Variants in DCAF12 observed in about 807,000 individuals in gnomAD.
The protein encoded by DCAF12 is DDB1- and CUL4-associated factor 12.
In DCAF12, 28 loss-of-function variants were observed where a neutral mutation model predicts 52.8. That is an observed-to-expected ratio of 0.53 (90% confidence interval 0.39 to 0.73). DCAF12 has a LOEUF of 0.73. DCAF12 is among the 30% of genes least tolerant of loss of function. The pLI is 0.00. For synonymous variants in DCAF12, 196 were observed against 215.5 expected (o/e 0.91, Z 0.79); for missense variants, 425 against 552.2 (o/e 0.77, Z 2.31).
In DCAF12 at chr9:34,124,374, C is replaced by T. The variant is rs574088836; in HGVS notation, c.333+649G>A. On this transcript the variant is annotated intron_variant, in intron 2 of 8. Transcript: ENST00000361264. ...GTTTCTGCTCTTTGACTTATTTTATCCTGGCCTATAATTGGGTTGGTTACA... is the reference window on the plus strand; with the variant it reads ...GTTTCTGCTCTTTGACTTATTTTATTCTGGCCTATAATTGGGTTGGTTACA... Among the ~76,000 whole-genome samples the T allele has an allele frequency of 1.1e-4, 16 of 152,250 alleles. No individual in the cohort carries two copies. The South Asian group carries it at 3.3e-3, about 32-fold the overall frequency.
chr9:34,109,753 G>A, intron 2 of DCAF12: 1 of 294,508 alleles, frequency 3.4e-6, no homozygotes, highest in South Asian at 3.8e-5. Flanking sequence ...GGAAGCTCAG[G>A]CAGGTGGTGA....
At chr9:34,111,777 A>T (rs970825941) in intron 2 of DCAF12, among the ~76,000 whole-genome samples, 5 of 152,200 alleles carry the variant, frequency 3.3e-5, no homozygotes, top group Non-Finnish European at 7.3e-5. Flanking sequence ...TGGTGGCACT[A>T]GACCAAACCG....
intron 1 of DCAF12, chr9:34,125,513 G>A: frequency 1.6e-6 from 1 of 612,138 alleles, no homozygotes; most frequent in African/African-American, 1.8e-5. Context: ...AAAGTCAAGG[G>A]AATGAATGCA....
At chr9:34,103,873 T>C (rs929216704) in intron 4 of DCAF12, among the ~76,000 whole-genome samples, 22 of 151,560 alleles carry the variant, frequency 1.5e-4, no homozygotes, top group Non-Finnish European at 3.1e-4. Context: ...ACAACGAAAA[T>C]GTGTTTTAAA....
In DCAF12 at chr9:34,098,330, C is replaced by G; in HGVS notation, c.789G>C (p.Lys263Asn). ...CKVRALAFNN[K>N]NKELGAVSLD... ...TCCCTACACAAGTTCATACCTTGTT[C>G]TTGTTGTTGAAGGCCAGAGCCCGAA... The change falls in exon 5 of 9, where the codon AAG becomes AAC. Residue 263 changes from lysine (K) to asparagine (N), a missense_variant. Transcript: ENST00000361264. 6.2e-7 allele frequency: 1 copy of G among 1,613,812 alleles called. No individual in the cohort carries two copies. The highest frequency in any genetic ancestry group is 8.5e-7 in the Non-Finnish European group (1 of 1,179,870).
chr9:34,108,119 C>T (rs2131435374), intron 2 of DCAF12, among the ~76,000 whole-genome samples: 1 of 152,312 alleles, frequency 6.6e-6, no homozygotes, highest in Middle Eastern at 3.4e-3. Context: ...CCTGCCTTTG[C>T]TCTTGCTGCT....
intron 2 of DCAF12, among the ~76,000 whole-genome samples, chr9:34,120,589 T>C (rs1487886589): frequency 1.3e-5 from 2 of 149,676 alleles, no homozygotes; most frequent in African/African-American, 4.9e-5. Flanking sequence ...AAGAATCGCT[T>C]GAACCCGGAG....
Position 34,125,144 on chromosome 9 carries a change from G to A in DCAF12, c.212C>T (p.Ala71Val). 6.2e-7 allele frequency: 1 copy of A among 1,614,126 alleles called. No homozygotes were observed. The change falls in exon 2 of 9, where the codon GCA becomes GTA. Residue 71 changes from alanine (A) to valine (V), a missense_variant. Around this residue, in one of 3 missense-constraint regions of DCAF12, gnomAD observed 328 missense variants for 444.4 expected, o/e 0.74. Coordinates refer to ENST00000361264, the MANE Select transcript of DCAF12 (RefSeq NM_015397.4). ...TSYSRVLHGY[A>V]AQQLPSLLKE... ...CAGGAGACTGGGAAGTTGCTGTGCT[G>A]CATAACCATGCAACACTCGAGAGTA... is the stretch of plus-strand genomic sequence containing the variant.
At chr9:34,108,804 AAT>A (rs1828947729) in intron 2 of DCAF12, among the ~76,000 whole-genome samples, 1 of 117,986 alleles carries the variant, frequency 8.5e-6, no homozygotes, top group Non-Finnish European at 1.9e-5. Context: ...AAAAAAAATA[AAT>A]AAATAAATAT....
chr9:34,092,972 A>C (rs370075311), intron 7 of DCAF12, among the ~76,000 whole-genome samples: 1,586 of 152,190 alleles, frequency 0.01, 12 homozygotes, highest in Non-Finnish European at 0.016. Flanking sequence ...CAGCCTCCTG[A>C]GCAGCTGGGA....
Position 34,088,171 on chromosome 9 carries a change from A to C in DCAF12, c.*179T>G. The C allele has an allele frequency of 1.8e-6, 1 of 541,146 alleles. No individual in the cohort carries two copies. 33.5% of individuals were successfully genotyped at this position (541,146 alleles called of 1,614,324 possible). A position where few individuals can be genotyped will look rare whatever the true frequency, so the allele number is the denominator to read the frequency against. On this transcript the variant is annotated 3_prime_UTR_variant, in exon 9 of 9. Coordinates refer to ENST00000361264, the MANE Select transcript of DCAF12 (RefSeq NM_015397.4). Reference sequence around the variant, plus strand: ...ATTACCAAAGGGGAAAACAAAAAGCAAAACAACTTTCAGATTTCTGTACAG... The same window carrying C: ...ATTACCAAAGGGGAAAACAAAAAGCCAAACAACTTTCAGATTTCTGTACAG...
chr9:34,102,041 G>A (rs533390287), intron 4 of DCAF12, among the ~76,000 whole-genome samples: 4 of 150,432 alleles, frequency 2.7e-5, no homozygotes, highest in East Asian at 2.0e-4. Context: ...TAATAATGAC[G>A]ACTATTCTAG....
intron 4 of DCAF12, among the ~76,000 whole-genome samples, chr9:34,098,777 A>T (rs72731203): frequency 0.13 from 20,036 of 151,306 alleles, 1,571 homozygotes; most frequent in South Asian, 0.32. Context: ...TATTATTATT[A>T]TTTTTTTTTG....
chr9:34,094,880 C>T (rs1272363491), intron 6 of DCAF12, among the ~76,000 whole-genome samples: 1 of 152,014 alleles, frequency 6.6e-6, no homozygotes, highest in African/African-American at 2.4e-5. Context: ...GGGGATGGCA[C>T]CCAAGTCTAA....
intron 2 of DCAF12, among the ~76,000 whole-genome samples, chr9:34,108,737 G>A (rs1281777756): frequency 6.6e-6 from 1 of 150,562 alleles, no homozygotes; most frequent in Non-Finnish European, 1.5e-5. Flanking sequence ...AGTGAGCCGG[G>A]ATCGAGCCAC....
chr9:34,103,611 C>T (rs760492457), intron 4 of DCAF12, among the ~76,000 whole-genome samples: 3 of 151,844 alleles, frequency 2.0e-5, no homozygotes, highest in East Asian at 1.9e-4. Flanking sequence ...CCCAGCACTT[C>T]GAGAGGCTCA....
chr9:34,096,537 G>A (rs1166641324), intron 6 of DCAF12, among the ~76,000 whole-genome samples, 179 bp downstream of exon 6: 1 of 152,156 alleles, frequency 6.6e-6, no homozygotes, highest in Non-Finnish European at 1.5e-5. Flanking sequence ...CCAGGAGGCA[G>A]AGGTTGCAGT....
chr9:34,093,781 T>G (rs1828688384), intron 6 of DCAF12: 1 of 273,434 alleles, frequency 3.7e-6, no homozygotes, highest in South Asian at 4.3e-5. Context: ...TCCAGGGCAC[T>G]AAAGCCATAG....
At chr9:34,120,060 G>A (rs575217799) in intron 2 of DCAF12, among the ~76,000 whole-genome samples, 51 of 151,584 alleles carry the variant, frequency 3.4e-4, no homozygotes, top group East Asian at 1.9e-4. Context: ...AAAATTAGCC[G>A]GGCTTGGTGG....
Sources: allele counts gnomAD v4.1 joint callset (sites outside exome capture counted in the v4.1 genomes callset), GRCh38; gene constraint gnomAD v4.1.1; regional missense constraint gnomAD v4.1.1; transcripts MANE v1.5; gene names NCBI Gene and HGNC (gene_info 2026-07-23, HGNC 2026-07-21).